KCNQ1: variants seen among roughly 807,000 people sequenced by gnomAD.
KCNQ1 encodes potassium voltage-gated channel subfamily Q member 1.
In KCNQ1, 49 loss-of-function variants were observed where a neutral mutation model predicts 72.4. The observed-to-expected ratio is 0.68, with a 90% confidence interval of 0.54 to 0.86. The LOEUF (loss-of-function observed/expected upper bound fraction) is 0.86, where lower values mean the gene tolerates loss of function less well. Among genes scored for constraint, KCNQ1 ranks in the 40% least tolerant of loss-of-function variants. The pLI is 0.00. For missense variants in KCNQ1, 790 were observed against 945.1 expected, an observed-to-expected ratio of 0.84 and a Z score of 2.15; for synonymous variants, 450 against 412.6, an observed-to-expected ratio of 1.09 and a Z score of -1.10.
rs902416140 is a variant in KCNQ1, at chr11:2,718,850, C to T, written c.1515-49994C>T. 8.5e-5 allele frequency among the ~76,000 whole-genome samples: 13 copies of T among 152,330 alleles called. No individual in the cohort carries two copies. In the South Asian group the frequency reaches 2.7e-3, roughly 32 times the overall value. On this transcript the variant is annotated intron_variant, in intron 11 of 15. Transcript: ENST00000155840. ...CTGAGAGCTGGCTAGGCAGGCATCC[C>T]GGGTCATTACTGGGCCTGTAAGGGC...
chr11:2,599,130 T>G lies in KCNQ1; in HGVS notation c.1393+10276T>G, dbSNP rs1848767951. On this transcript the variant is annotated intron_variant, in intron 10 of 15. Coordinates refer to ENST00000155840, the MANE Select transcript of KCNQ1 (RefSeq NM_000218.3). The surrounding 1 kb of genome is among the most constrained non-coding windows in gnomAD (Gnocchi z 4.7). ...TGTTTGCTTGGGCTCCCCTCCTCTCTGTTACCTATGTTGATAATCTAGGAT... is the reference window on the plus strand; with the variant it reads ...TGTTTGCTTGGGCTCCCCTCCTCTCGGTTACCTATGTTGATAATCTAGGAT... Among the ~76,000 whole-genome samples the G allele has an allele frequency of 6.6e-6, 1 of 152,252 alleles. No homozygotes were observed. The highest frequency in any genetic ancestry group is 6.5e-5 in the Admixed American group (1 of 15,288).
intron 11 of KCNQ1, among the ~76,000 whole-genome samples, chr11:2,736,577 C>T (rs1010115969): frequency 3.3e-5 from 5 of 152,158 alleles, no homozygotes; most frequent in African/African-American, 1.2e-4. Context: ...GGAGTCAATG[C>T]CAGCTCATCG....
Position 2,626,421 on chromosome 11 carries a change from G to A in KCNQ1, c.1394-35540G>A, listed in dbSNP as rs1336617388. 5.0e-6 allele frequency: 2 copies of A among 398,444 alleles called. No individual in the cohort carries two copies. The highest frequency in any genetic ancestry group is 8.8e-6 in the Non-Finnish European group (2 of 226,074). The allele number at this position is 398,444 out of a possible 1,614,324, so 24.7% of individuals were successfully genotyped here. A position where few individuals can be genotyped will look rare whatever the true frequency, so the allele number is the denominator to read the frequency against. ...TTGGCACTCTTCTCAGGAATCATTT[G>A]ATCATGTATACAAGGGTTTATTTTT... On this transcript the variant is annotated intron_variant, in intron 10 of 15. Transcript: ENST00000155840. The surrounding 1 kb of genome is among the most constrained non-coding windows in gnomAD (Gnocchi z 4.0).
chr11:2,742,976 G>A (rs545148308), intron 11 of KCNQ1, among the ~76,000 whole-genome samples: 5 of 152,340 alleles, frequency 3.3e-5, no homozygotes, highest in African/African-American at 1.2e-4. Flanking sequence ...GGGAGTGCAG[G>A]TGGTTTGTTC....
At chr11:2,733,774 C>CCACACACACA (rs144399150) in intron 11 of KCNQ1, among the ~76,000 whole-genome samples, 1,203 of 57,310 alleles carry the variant, frequency 0.021, 28 homozygotes, top group East Asian at 0.026. Flanking sequence ...TTCAGGCCTT[C>CCACACACACA]CACACACACA....
chr11:2,534,793 G>T (rs1321722445), intron 2 of KCNQ1, among the ~76,000 whole-genome samples: 1 of 152,244 alleles, frequency 6.6e-6, no homozygotes, highest in African/African-American at 2.4e-5. Context: ...CCCTGGCAGG[G>T]TTGTTTCCGC....
chr11:2,694,611 C>T (rs1850643154), intron 11 of KCNQ1: 1 of 398,576 alleles, frequency 2.5e-6, no homozygotes, highest in Non-Finnish European at 4.4e-6. Flanking sequence ...TTCCTTCGTT[C>T]AATAAATGAA....
At chr11:2,702,786 C>T (rs1365109615) in intron 11 of KCNQ1, among the ~76,000 whole-genome samples, 1 of 152,146 alleles carries the variant, frequency 6.6e-6, no homozygotes, top group African/African-American at 2.4e-5. Flanking sequence ...GTGGGGTTGC[C>T]AGGCCAAGGA....
At position 2,776,068 on chromosome 11, in the gene KCNQ1, A is replaced by G; in HGVS notation, c.1685+14A>G. ...GCTGCAGAGGAGGTGGGCACGGCCA[A>G]ACGGCAGCGGGGAGGGTGCCCAGGT... is the stretch of plus-strand genomic sequence containing the variant. On this transcript the variant is annotated intron_variant, in intron 13 of 15. Coordinates refer to ENST00000155840, the MANE Select transcript of KCNQ1 (RefSeq NM_000218.3). The G allele has an allele frequency of 6.5e-7, 1 of 1,547,774 alleles. No homozygotes were observed. The highest frequency in any genetic ancestry group is 8.7e-7 in the Non-Finnish European group (1 of 1,144,718).
intron 2 of KCNQ1, among the ~76,000 whole-genome samples, chr11:2,561,745 C>T (rs997986137): frequency 6.6e-6 from 1 of 152,194 alleles, no homozygotes; most frequent in Non-Finnish European, 1.5e-5. Flanking sequence ...GTAGCGGGTC[C>T]CCCCACCATA....
chr11:2,634,799 G>A (rs1849429547), intron 10 of KCNQ1: 1 of 152,214 alleles, frequency 6.6e-6, no homozygotes, highest in African/African-American at 2.4e-5. Context: ...CCCACCAACA[G>A]TGTAAAAGCG....
chr11:2,838,306 G>C (rs72847583), intron 15 of KCNQ1, among the ~76,000 whole-genome samples: 17,999 of 152,194 alleles, frequency 0.12, 1,664 homozygotes, highest in African/African-American at 0.24. Context: ...ACGGCATGCA[G>C]AAAGAAGGAA....
Position 2,815,736 on chromosome 11 carries a change from C to A in KCNQ1, c.1795-32031C>A, listed in dbSNP as rs1051971548. Among the ~76,000 whole-genome samples, 6 of 152,080 alleles carry A rather than the reference C, an allele frequency of 3.9e-5. No individual in the cohort carries two copies. The highest frequency in any genetic ancestry group is 7.4e-5 in the Non-Finnish European group (5 of 67,988). On this transcript the variant is annotated intron_variant, in intron 15 of 15. Transcript: ENST00000155840. The surrounding 1 kb of genome is among the most constrained non-coding windows in gnomAD (Gnocchi z 5.4). Reference sequence around the variant, plus strand: ...GAGACTATTCAGGAGAGGGTGGGAGCAGACACGGGAGTAGGATGGGGGCCC... The same window carrying A: ...GAGACTATTCAGGAGAGGGTGGGAGAAGACACGGGAGTAGGATGGGGGCCC...
intron 10 of KCNQ1, chr11:2,660,292 A>G (rs1849928458): frequency 2.5e-6 from 1 of 398,314 alleles, no homozygotes; most frequent in African/African-American, 2.1e-5. Flanking sequence ...TAAAACTTTT[A>G]CACACATACA....
intron 15 of KCNQ1, among the ~76,000 whole-genome samples, chr11:2,819,945 G>A (rs1331024699): frequency 4.6e-5 from 7 of 152,128 alleles, no homozygotes; most frequent in African/African-American, 1.2e-4. Context: ...CAATTCCCTC[G>A]GTAGCAGTAG....
intron 1 of KCNQ1, chr11:2,461,540 C>T: frequency 7.4e-7 from 1 of 1,347,468 alleles, no homozygotes; most frequent in Non-Finnish European, 9.8e-7. Flanking sequence ...TGTAGGATGG[C>T]ACTGGTGCCG....
intron 1 of KCNQ1, among the ~76,000 whole-genome samples, chr11:2,502,174 C>G (rs1364885905): frequency 6.6e-6 from 1 of 151,828 alleles, no homozygotes; most frequent in Non-Finnish European, 1.5e-5. Flanking sequence ...TTATTTAACA[C>G]AGTAGTGGAA....
rs1590020175 is a variant in KCNQ1 at position 2,668,724 on chromosome 11, C to T, written c.1514+6643C>T. The T allele has an allele frequency of 2.5e-6, 1 of 398,470 alleles. No homozygotes were observed. Among genetic ancestry groups the T allele is most frequent in the African/African-American group, 2.1e-5 (1 of 48,606 alleles). The allele number at this position is 398,470 out of a possible 1,614,324, so 24.7% of individuals were successfully genotyped here. ...CACTCTCTCACAGACACACACATTG[C>T]AAATATCGCCTCCCCCTCTGCAGGC... On this transcript the variant is annotated intron_variant, in intron 11 of 15. Transcript: ENST00000155840. This position sits in a 1 kb window ranked among gnomAD's most constrained non-coding sequence, Gnocchi z 4.3.
intron 2 of KCNQ1, among the ~76,000 whole-genome samples, chr11:2,553,521 G>T (rs1291957913): frequency 6.6e-6 from 1 of 152,138 alleles, no homozygotes; most frequent in Non-Finnish European, 1.5e-5. Context: ...CCTCTATTGA[G>T]ATAATCATAT....
Sources: gnomAD v4.1 joint callset for allele counts (sites outside exome capture counted in the v4.1 genomes callset) on GRCh38, gnomAD v4.1.1 for gene constraint, Gnocchi (gnomAD v3.1) non-coding constraint, MANE v1.5 for transcripts, NCBI Gene and HGNC (gene_info 2026-07-23, HGNC 2026-07-21) for gene names.